The following ASTE1 variants were observed in gnomAD, a reference collection of about 807,000 sequenced individuals.
ASTE1 encodes single-strand DNA endonuclease ASTE1.
In ASTE1, 49 loss-of-function variants were observed where a neutral mutation model predicts 45.8. The ratio of observed to expected loss-of-function variants is 1.07; its 90% confidence interval spans 0.85 to 1.36. The LOEUF is 1.36. Among genes scored for constraint, ASTE1 ranks in the 40% most tolerant of loss-of-function variants. The pLI, the probability that ASTE1 is intolerant of heterozygous loss-of-function variation, is 0.00. For synonymous variants in ASTE1, 296 were observed against 303.9 expected (o/e 0.97, Z 0.27); for missense variants, 709 against 804.0 (o/e 0.88, Z 1.43).
rs2063781829 is a variant in ASTE1, at chr3:131,024,460, T to C, written c.847A>G (p.Lys283Glu). 6.2e-7 allele frequency: 1 copy of C among 1,614,056 alleles called. No individual in the cohort carries two copies. The highest frequency in any genetic ancestry group is 1.1e-5 in the South Asian group (1 of 91,084). The change falls in exon 3 of 6, where the codon AAG becomes GAG. Residue 283 changes from lysine (K) to glutamate (E), a missense_variant. Coordinates refer to ENST00000264992, the MANE Select transcript of ASTE1 (RefSeq NM_014065.4). ...AGTTCCTTAACATTTTCTCGATCCTTTTTTGGGAGGTATTTCAGAACATTA... is the reference window on the plus strand; with the variant it reads ...AGTTCCTTAACATTTTCTCGATCCTCTTTTGGGAGGTATTTCAGAACATTA... The part of the protein sequence containing the change: ...LDNVLKYLPK[K>E]DRENVKELLC...
Position 131,024,597 on chromosome 3 carries a change from C to T in ASTE1, c.710G>A (p.Ser237Asn). ...VNLPIMETFL[S>N]KARLPLGATS... Reference sequence around the variant, plus strand: ...AGCTCCAAGAGGAAGACGCGCTTTACTTAAGAATGTCTCCATGATGGGTAG... The same window carrying T: ...AGCTCCAAGAGGAAGACGCGCTTTATTTAAGAATGTCTCCATGATGGGTAG... The change falls in exon 3 of 6, where the codon AGT (serine) becomes AAT (asparagine). Residue 237 changes from serine (S) to asparagine (N), a missense_variant. Coordinates refer to ENST00000264992, the MANE Select transcript of ASTE1 (RefSeq NM_014065.4). 6.2e-7 allele frequency: 1 copy of T among 1,611,750 alleles called. No homozygotes were observed. The highest frequency in any genetic ancestry group is 8.5e-7 in the Non-Finnish European group (1 of 1,178,788).
chr3:131,023,973 A>G (rs771635113), intron 3 of ASTE1, 32 bp downstream of exon 3: 23 of 1,539,430 alleles, frequency 1.5e-5, no homozygotes, highest in Non-Finnish European at 5.2e-6. Context: ...AAAGTACTTT[A>G]CAAAAATTTC....
chr3:131,025,348 A>G lies in ASTE1; in HGVS notation c.-25-17T>C. On this transcript the variant is annotated splice_polypyrimidine_tract_variant and intron_variant, in intron 2 of 5. Transcript: ENST00000264992. ...ATTAATCGCCTGTTTAAAACAACAG[A>G]AAACATTTTCAATTGATGCTAGTTA... The G allele has an allele frequency of 6.4e-7, 1 of 1,568,546 alleles. No individual in the cohort carries two copies. Among genetic ancestry groups the G allele is most frequent in the Non-Finnish European group, 8.6e-7 (1 of 1,158,498 alleles).
At chr3:131,017,969 CAAAAAAAAAAAAAAAAA>C (rs10555602) in intron 4 of ASTE1, among the ~76,000 whole-genome samples, 1 of 44,828 alleles carries the variant, frequency 2.2e-5, no homozygotes, top group African/African-American at 7.3e-5. Flanking sequence ...GACTCCATCT[CAAAAAAAAAAAAAAAAA>C]AAAAAAAAAA....
Position 131,014,148 on chromosome 3 carries a change from T to A in ASTE1, c.1949A>T (p.His650Leu). 6.2e-7 allele frequency: 1 copy of A among 1,613,894 alleles called. No individual in the cohort carries two copies. ...GTTTCCCTCATACCAACACTTGGTGTGTGCAGTGGTTCTCCCTCTGTTCTT... is the reference window on the plus strand; with the variant it reads ...GTTTCCCTCATACCAACACTTGGTGAGTGCAGTGGTTCTCCCTCTGTTCTT... ...CSKNRGRTTA[H>L]TKCWYEGNNR... Residue 650 changes from histidine to leucine, a missense_variant, in exon 6 of 6, where the codon CAC becomes CTC. Coordinates refer to ENST00000264992, the MANE Select transcript of ASTE1 (RefSeq NM_014065.4).
In ASTE1 at chr3:131,016,235, G is replaced by C. The variant is rs1313556713; in HGVS notation, c.1618C>G (p.His540Asp). 6.2e-7 allele frequency: 1 copy of C among 1,613,986 alleles called. No homozygotes were observed. The highest frequency in any genetic ancestry group is 8.5e-7 in the Non-Finnish European group (1 of 1,180,032). The change falls in exon 5 of 6, where the codon CAC becomes GAC. Residue 540 changes from histidine to aspartate, a missense_variant. By Grantham distance (81) the His-to-Asp change is moderately conservative. Transcript: ENST00000264992. ...LGTRLDLDTA[H>D]IFCQWQSCLQ... ...CAGGACTGCCACTGACAGAAGATGT[G>C]AGCTGTGTCTAAGTCCAGTCTTGTG... is the stretch of plus-strand genomic sequence containing the variant.
At chr3:131,016,443 A>G (rs528523182) in intron 4 of ASTE1, 104 bp from the exon 5 acceptor site, 1 of 1,293,608 alleles carries the variant, frequency 7.7e-7, no homozygotes, top group African/African-American at 1.5e-5. Flanking sequence ...AAATTAATTT[A>G]AAAAAACTAA....
rs1310035196 is a variant in ASTE1, at chr3:131,018,678, G to A, written c.1341C>T (p.Thr447=). The change falls in exon 4 of 6, where the codon ACC becomes ACT. Residue 447 remains threonine (T), a synonymous_variant. Coordinates refer to ENST00000264992, the MANE Select transcript of ASTE1 (RefSeq NM_014065.4). ...CCAGAATGGTCTGTTTCACCTTCAG[G>A]GTTTCTAACAGAAGCATCTGCCGCC... ...LRRRQMLLLE[T]LKVKQTILEP... 2 of 1,613,746 alleles carry A rather than the reference G, an allele frequency of 1.2e-6. No homozygotes were observed. The highest frequency in any genetic ancestry group is 1.3e-5 in the African/African-American group (1 of 74,894).
chr3:131,025,454 T>A lies in ASTE1; in HGVS notation c.-26+20A>T. ...GTGCTCTTTAGATAGAACATAGATATCAACATCATAAATTCTTACCTAGAT... is the reference window on the plus strand; with the variant it reads ...GTGCTCTTTAGATAGAACATAGATAACAACATCATAAATTCTTACCTAGAT... On this transcript the variant is annotated intron_variant, in intron 2 of 5. Transcript: ENST00000264992. 7.8e-7 allele frequency: 1 copy of A among 1,274,080 alleles called. No homozygotes were observed. 78.9% of individuals were successfully genotyped at this position (1,274,080 alleles called of 1,614,324 possible).
chr3:131,016,016 C>A, intron 5 of ASTE1, 128 bp downstream of exon 5: 1 of 1,187,624 alleles, frequency 8.4e-7, no homozygotes. Flanking sequence ...AAATCAATTA[C>A]ATTAAGATTA....
chr3:131,024,360 A>C lies in ASTE1; in HGVS notation c.947T>G (p.Val316Gly), dbSNP rs766540841. 1.9e-5 allele frequency: 31 copies of C among 1,614,126 alleles called. No homozygotes were observed. The highest frequency in any genetic ancestry group is 2.4e-5 in the Non-Finnish European group (28 of 1,180,044). Reference sequence around the variant, plus strand: ...ACCAAGATTCAAGGCATCTGGACAGACATAAGTACCACACTGGAAGAAGTC... The same window carrying C: ...ACCAAGATTCAAGGCATCTGGACAGCCATAAGTACCACACTGGAAGAAGTC... ...LQDFFQCGTY[V>G]CPDALNLGLP... Residue 316 changes from valine (V) to glycine (G), a missense_variant, in exon 3 of 6, where the codon GTC becomes GGC. Val to Gly is a moderately radical substitution (Grantham distance 109, BLOSUM62 -3). Coordinates refer to ENST00000264992, the MANE Select transcript of ASTE1 (RefSeq NM_014065.4).
chr3:131,017,350 C>T (rs538184220), intron 4 of ASTE1, among the ~76,000 whole-genome samples: 1 of 152,316 alleles, frequency 6.6e-6, no homozygotes, highest in South Asian at 2.1e-4. Context: ...ACTAGAGTAG[C>T]ACGATCTAAT....
At chr3:131,017,140 CTG>C in intron 4 of ASTE1, 2 of 833,820 alleles carry the variant, frequency 2.4e-6, no homozygotes, top group Non-Finnish European at 3.4e-6. Context: ...CTTTCTTATA[CTG>C]TATTTATTAT....
intron 4 of ASTE1, chr3:131,017,055 AG>A: frequency 3.1e-6 from 4 of 1,289,388 alleles, no homozygotes; most frequent in Non-Finnish European, 4.0e-6. Flanking sequence ...ATTTCCTAAA[AG>A]AAAAGAAACA....
chr3:131,021,918 A>G (rs1028196966), intron 3 of ASTE1, among the ~76,000 whole-genome samples: 1 of 152,198 alleles, frequency 6.6e-6, no homozygotes, highest in Non-Finnish European at 1.5e-5. Flanking sequence ...CAAAACATTA[A>G]TAATGTAGCT....
chr3:131,024,591 GCTTTA>G lies in ASTE1; in HGVS notation c.711_715del (p.Lys238AlafsTer10), dbSNP rs1454525341. The G allele has an allele frequency of 6.2e-7, 1 of 1,612,406 alleles. No individual in the cohort carries two copies. The highest frequency in any genetic ancestry group is 1.3e-5 in the African/African-American group (1 of 74,760). On this transcript the variant is annotated frameshift_variant, in exon 3 of 6. Transcript: ENST00000264992. LOFTEE classifies it high-confidence loss of function. ...ACTGGTAGCTCCAAGAGGAAGACGC[GCTTTA>G]CTTAAGAATGTCTCCATGATGGGTA... is the stretch of plus-strand genomic sequence containing the variant.
chr3:131,014,409 T>G, intron 5 of ASTE1, 22 bp from the exon 6 acceptor site: 1 of 1,540,378 alleles, frequency 6.5e-7, no homozygotes, highest in South Asian at 1.3e-5. Flanking sequence ...AAGAAAAAAG[T>G]ATGTTGTTAA....
chr3:131,018,779 C>T (rs1398927065), intron 3 of ASTE1, 63 bp from the exon 4 acceptor site: 1 of 1,524,524 alleles, frequency 6.6e-7, no homozygotes, highest in Non-Finnish European at 9.0e-7. Context: ...TTCTTTTTTC[C>T]ACCATAGCAT....
intron 3 of ASTE1, among the ~76,000 whole-genome samples, chr3:131,019,796 A>G (rs886148201): frequency 1.3e-5 from 2 of 152,234 alleles, no homozygotes; most frequent in African/African-American, 4.8e-5. Flanking sequence ...CACATCATAA[A>G]TGACAAAATA....
Sources: gnomAD v4.1 joint callset for allele counts (sites outside exome capture counted in the v4.1 genomes callset) on GRCh38, gnomAD v4.1.1 for gene constraint, MANE v1.5 for transcripts, NCBI Gene and HGNC (gene_info 2026-07-23, HGNC 2026-07-21) for gene names.